PDE4B: variants seen among roughly 807,000 people sequenced by gnomAD.
The protein encoded by PDE4B is 3',5'-cyclic-AMP phosphodiesterase 4B.
In PDE4B, 20 loss-of-function variants were observed where a neutral mutation model predicts 82.2. The observed-to-expected ratio is 0.24, with a 90% CI of 0.17 to 0.35. PDE4B has a LOEUF of 0.35. Ranked by LOEUF, PDE4B falls within the 10% of genes least tolerant of loss-of-function variation. The pLI is 1.00. For synonymous variants in PDE4B, 320 were observed against 318.9 expected, an observed-to-expected ratio of 1.00 and a Z score of -0.04; for missense variants, 655 against 907.2, an observed-to-expected ratio of 0.72 and a Z score of 3.57.
chr1:66,239,007 T>G (rs972600082), intron 3 of PDE4B, among the ~76,000 whole-genome samples: 2 of 152,196 alleles, frequency 1.3e-5, no homozygotes, highest in African/African-American at 4.8e-5. Flanking sequence ...AGCAATTTCT[T>G]GAAGCCATCA....
At chr1:66,024,863 C>G (rs969349724) in intron 3 of PDE4B, among the ~76,000 whole-genome samples, 27 of 151,530 alleles carry the variant, frequency 1.8e-4, no homozygotes, top group African/African-American at 6.3e-4. Flanking sequence ...ATTTCATAGC[C>G]TATCAGTGTA....
chr1:66,359,071 A>G (rs549001467), intron 9 of PDE4B, among the ~76,000 whole-genome samples: 2 of 152,352 alleles, frequency 1.3e-5, no homozygotes, highest in Admixed American at 6.5e-5. Context: ...GAGAAGGAGA[A>G]TAAATAATGC....
chr1:66,267,617 A>G (rs924988514), intron 7 of PDE4B: 1 of 152,194 alleles, frequency 6.6e-6, no homozygotes, highest in Non-Finnish European at 1.5e-5. Flanking sequence ...CTTGACAACT[A>G]GGGATTCTTT....
intron 1 of PDE4B, among the ~76,000 whole-genome samples, chr1:65,859,896 C>T (rs1253823306): frequency 6.6e-6 from 1 of 152,180 alleles, no homozygotes; most frequent in Non-Finnish European, 1.5e-5. Context: ...TGACATCTTG[C>T]CCTACCCCTC....
intron 3 of PDE4B, among the ~76,000 whole-genome samples, chr1:66,090,966 C>T (rs1233546121): frequency 6.6e-6 from 1 of 151,872 alleles, no homozygotes; most frequent in Non-Finnish European, 1.5e-5. Flanking sequence ...TGTCACCACA[C>T]CCCTTTCCCT....
In PDE4B at chr1:66,266,022, T is replaced by G. The variant is rs761027602; in HGVS notation, c.585-16T>G. ...TTGATACACAGACTCAGTCCTTCTT[T>G]TCTCTGTCTCCACAGGAGGTCCCCA... On this transcript the variant is annotated splice_polypyrimidine_tract_variant and intron_variant, in intron 6 of 16. Coordinates refer to ENST00000341517, the MANE Select transcript of PDE4B (RefSeq NM_002600.4). The G allele has an allele frequency of 6.2e-7, 1 of 1,608,992 alleles. No homozygotes were observed. The highest frequency in any genetic ancestry group is 1.3e-5 in the African/African-American group (1 of 74,806).
intron 7 of PDE4B, among the ~76,000 whole-genome samples, chr1:66,316,405 C>A (rs907668314): frequency 6.6e-6 from 1 of 152,118 alleles, no homozygotes; most frequent in Non-Finnish European, 1.5e-5. Flanking sequence ...AATGAGAAAA[C>A]AACCTTTAAA....
At chr1:66,315,920 G>A (rs1658995939) in intron 7 of PDE4B, among the ~76,000 whole-genome samples, 1 of 152,156 alleles carries the variant, frequency 6.6e-6, no homozygotes, top group Non-Finnish European at 1.5e-5. Flanking sequence ...TTGGTTCTGA[G>A]CCTTGGCCAC....
intron 3 of PDE4B, among the ~76,000 whole-genome samples, chr1:66,217,543 A>C (rs1049471380): frequency 1.3e-5 from 2 of 152,144 alleles, no homozygotes; most frequent in African/African-American, 4.8e-5. Context: ...CAAAAGTCAA[A>C]GGGCAAAGGA....
chr1:65,910,378 A>G (rs935771647), intron 1 of PDE4B, among the ~76,000 whole-genome samples: 6 of 152,152 alleles, frequency 3.9e-5, no homozygotes, highest in Non-Finnish European at 5.9e-5. Context: ...GGTTCTACTC[A>G]TTTATTCTTT....
intron 7 of PDE4B, among the ~76,000 whole-genome samples, chr1:66,279,265 G>T (rs1353158513): frequency 1.3e-5 from 2 of 152,012 alleles, no homozygotes; most frequent in African/African-American, 2.4e-5. Flanking sequence ...TATTTGTCAG[G>T]TGTGTGTGCA....
chr1:65,999,566 G>A (rs1055554675), intron 3 of PDE4B, among the ~76,000 whole-genome samples: 8 of 152,140 alleles, frequency 5.3e-5, no homozygotes, highest in Admixed American at 3.9e-4. Context: ...ATCCGGAGAG[G>A]CCTTTGCTGA....
intron 3 of PDE4B, chr1:65,992,749 C>T: frequency 7.3e-7 from 1 of 1,376,098 alleles, no homozygotes. Flanking sequence ...TTCGAGTATG[C>T]TGCTCTTGCT....
intron 13 of PDE4B, among the ~76,000 whole-genome samples, chr1:66,366,761 T>A (rs544823372): frequency 6.6e-6 from 1 of 152,272 alleles, no homozygotes; most frequent in Non-Finnish European, 1.5e-5. Context: ...AGAAAAATGG[T>A]CTATCTACCA....
chr1:65,982,296 T>A (rs1169421321), intron 3 of PDE4B, among the ~76,000 whole-genome samples: 2 of 152,190 alleles, frequency 1.3e-5, no homozygotes, highest in East Asian at 1.9e-4. Context: ...GATATTTAGC[T>A]GAGGAGCTTT....
At chr1:66,020,415 A>T (rs1303556519) in intron 3 of PDE4B, among the ~76,000 whole-genome samples, 3 of 152,030 alleles carry the variant, frequency 2.0e-5, no homozygotes, top group African/African-American at 4.8e-5. Flanking sequence ...GCTGCACCCG[A>T]TAACTCGTCA....
chr1:66,005,630 A>C (rs1438861525), intron 3 of PDE4B, among the ~76,000 whole-genome samples: 1 of 152,182 alleles, frequency 6.6e-6, no homozygotes, highest in Non-Finnish European at 1.5e-5. Flanking sequence ...AGTAACATTG[A>C]AAAATAAAGT....
chr1:65,813,984 G>A (rs1033998016), intron 1 of PDE4B, among the ~76,000 whole-genome samples: 37 of 151,592 alleles, frequency 2.4e-4, no homozygotes, highest in African/African-American at 8.7e-4. Flanking sequence ...AGCCCTGAGT[G>A]TATGTGAGCT....
intron 3 of PDE4B, among the ~76,000 whole-genome samples, chr1:65,938,629 T>A (rs1443365474): frequency 6.6e-6 from 1 of 152,212 alleles, no homozygotes; most frequent in Non-Finnish European, 1.5e-5. Flanking sequence ...TAAAAAATTA[T>A]AAAACAGTGT....
Sources: gnomAD v4.1 joint callset for allele counts (sites outside exome capture counted in the v4.1 genomes callset) on GRCh38, gnomAD v4.1.1 for gene constraint, MANE v1.5 for transcripts, NCBI Gene and HGNC (gene_info 2026-07-23, HGNC 2026-07-21) for gene names.